ACCSL: variants seen among roughly 807,000 people sequenced by gnomAD.
ACCSL encodes probable inactive 1-aminocyclopropane-1-carboxylate synthase-like protein 2.
A neutral mutation model predicts 61.7 loss-of-function variants in ACCSL; 55 were observed. The ratio of observed to expected loss-of-function variants is 0.89; its 90% CI spans 0.72 to 1.12. The LOEUF (loss-of-function observed/expected upper bound fraction) is 1.12. Ranked by LOEUF, ACCSL falls within the 50% of genes most tolerant of loss-of-function variation. The pLI, the probability that ACCSL is intolerant of heterozygous loss-of-function variation, is 0.00. For synonymous variants in ACCSL, 258 were observed against 264.3 expected (o/e 0.98, Z 0.23); for missense variants, 632 against 698.0 (o/e 0.91, Z 1.07).
the ACCSL span, among the ~76,000 whole-genome samples, chr11:43,986,705 C>T: frequency 5.9e-5 from 9 of 152,320 alleles, no homozygotes; most frequent in African/African-American, 1.9e-4. Context: ...AAGACCCAGC[C>T]CTTCTCTCCA....
chr11:44,024,054 G>C, the ACCSL span, among the ~76,000 whole-genome samples: 4 of 152,162 alleles, frequency 2.6e-5, no homozygotes, highest in African/African-American at 9.7e-5. Context: ...GTGTCCGTGA[G>C]GGTGTCTCTG....
At chr11:44,039,905 C>A in the ACCSL span, among the ~76,000 whole-genome samples, 1 of 152,234 alleles carries the variant, frequency 6.6e-6, no homozygotes, top group African/African-American at 2.4e-5. Flanking sequence ...TAGTCATGGG[C>A]GGTTCCACCT....
intron 2 of ACCSL, 85 bp downstream of exon 2, chr11:44,050,206 G>A: frequency 8.7e-7 from 1 of 1,147,992 alleles, no homozygotes; most frequent in Admixed American, 1.7e-5. Context: ...TAGATACAGG[G>A]GTGAGACATA....
the ACCSL span, among the ~76,000 whole-genome samples, chr11:43,991,311 A>G: frequency 6.6e-6 from 1 of 152,216 alleles, no homozygotes; most frequent in African/African-American, 2.4e-5. Context: ...CCATTTTGTC[A>G]TCTGCAAAAT....
At chr11:43,985,891 C>G in the ACCSL span, among the ~76,000 whole-genome samples, 1 of 152,044 alleles carries the variant, frequency 6.6e-6, no homozygotes, top group Non-Finnish European at 1.5e-5. Flanking sequence ...CAAAAATTAG[C>G]TGGGCATGGT....
chr11:44,010,323 G>A, the ACCSL span, among the ~76,000 whole-genome samples: 2 of 152,194 alleles, frequency 1.3e-5, no homozygotes, highest in Non-Finnish European at 2.9e-5. Flanking sequence ...CTGGTGACAA[G>A]AGCGAAACTC....
Position 44,056,289 on chromosome 11 carries a change from C to T in ACCSL, c.1290C>T (p.Ile430=), listed in dbSNP as rs780585393. The change falls in exon 11 of 14, where the codon ATC becomes ATT. Residue 430 remains isoleucine, a synonymous_variant. Coordinates refer to ENST00000378832, the MANE Select transcript of ACCSL (RefSeq NM_001031854.2). ...AFGYLHSISG[I]TQHKLCQLLQ... ...GCTACCTCCACAGTATTTCTGGCATCACCCAGCACAAGCTGTGTCAACTGC... is the reference window on the plus strand; with the variant it reads ...GCTACCTCCACAGTATTTCTGGCATTACCCAGCACAAGCTGTGTCAACTGC... 6 of 1,614,060 alleles carry T rather than the reference C, an allele frequency of 3.7e-6. No individual in the cohort carries two copies. Among genetic ancestry groups the T allele is most frequent in the Non-Finnish European group, 5.1e-6 (6 of 1,180,036 alleles).
the ACCSL span, among the ~76,000 whole-genome samples, chr11:43,963,007 G>T: frequency 6.6e-6 from 1 of 152,186 alleles, no homozygotes; most frequent in African/African-American, 2.4e-5. Flanking sequence ...CTGATCGGGG[G>T]TATCTATTGT....
At chr11:43,926,391 G>A in the ACCSL span, 2 of 372,286 alleles carry the variant, frequency 5.4e-6, no homozygotes, top group Non-Finnish European at 5.3e-6. Flanking sequence ...ACCAGGCTCA[G>A]ATGCACCCCC....
At chr11:43,992,244 G>A in the ACCSL span, among the ~76,000 whole-genome samples, 6 of 151,846 alleles carry the variant, frequency 4.0e-5, no homozygotes, top group South Asian at 2.1e-4. Flanking sequence ...TGTTGAGACC[G>A]GGTTTTGCAT....
the ACCSL span, among the ~76,000 whole-genome samples, chr11:44,026,816 G>A: frequency 3.3e-5 from 5 of 151,754 alleles, no homozygotes; most frequent in African/African-American, 7.3e-5. Context: ...TGCAACCTCC[G>A]CCTCCTGGGT....
chr11:43,957,764 T>C, the ACCSL span, among the ~76,000 whole-genome samples: 1 of 152,230 alleles, frequency 6.6e-6, no homozygotes. Context: ...AGTCTTATGA[T>C]CTGTTTTCAT....
chr11:43,993,630 C>T, the ACCSL span, among the ~76,000 whole-genome samples: 57 of 152,240 alleles, frequency 3.7e-4, 1 homozygote, highest in Non-Finnish European at 7.4e-4. Flanking sequence ...GCCTCCTGGA[C>T]GCCCCTTGCC....
the ACCSL span, among the ~76,000 whole-genome samples, chr11:43,921,335 G>A: frequency 6.6e-6 from 1 of 152,126 alleles, no homozygotes; most frequent in Non-Finnish European, 1.5e-5. Flanking sequence ...TCTGGCTCCT[G>A]GCATTGTAGT....
At chr11:43,977,613 T>A in the ACCSL span, among the ~76,000 whole-genome samples, 1 of 152,240 alleles carries the variant, frequency 6.6e-6, no homozygotes, top group Non-Finnish European at 1.5e-5. Flanking sequence ...TCTGACCTCC[T>A]TCTGAACTCT....
At chr11:44,055,956 C>T in intron 9 of ACCSL, 84 bp from the exon 10 acceptor site, 1 of 1,538,038 alleles carries the variant, frequency 6.5e-7, no homozygotes. Flanking sequence ...GGACCAACCT[C>T]AAATCTACTT....
At chr11:43,961,382 G>C in the ACCSL span, among the ~76,000 whole-genome samples, 3 of 152,152 alleles carry the variant, frequency 2.0e-5, no homozygotes, top group East Asian at 5.8e-4. Flanking sequence ...CCGGGGACAA[G>C]ATTAAATTAT....
At chr11:43,998,460 G>T in the ACCSL span, among the ~76,000 whole-genome samples, 1 of 152,102 alleles carries the variant, frequency 6.6e-6, no homozygotes, top group African/African-American at 2.4e-5. Flanking sequence ...CCTGGATTAG[G>T]CATTCTCCAC....
At chr11:43,954,271 C>T in the ACCSL span, among the ~76,000 whole-genome samples, 5 of 151,984 alleles carry the variant, frequency 3.3e-5, no homozygotes, top group South Asian at 2.1e-4. Flanking sequence ...TGTCTCACGC[C>T]GAGGAAATCA....
Sources: gnomAD v4.1 joint callset for allele counts (sites outside exome capture counted in the v4.1 genomes callset) on GRCh38, gnomAD v4.1.1 for gene constraint, MANE v1.5 for transcripts, NCBI Gene and HGNC (gene_info 2026-07-23, HGNC 2026-07-21) for gene names.